BCL2L14: variants seen among roughly 807,000 people sequenced by gnomAD.
The protein encoded by BCL2L14 is apoptosis facilitator Bcl-2-like protein 14.
In BCL2L14, 27 loss-of-function variants were observed where a neutral mutation model predicts 35.3. The ratio of observed to expected loss-of-function variants is 0.76; its 90% CI spans 0.56 to 1.05. The LOEUF (loss-of-function observed/expected upper bound fraction) is 1.05. BCL2L14 is among the 50% of genes least tolerant of loss of function. The pLI is 0.00. For synonymous variants in BCL2L14, 139 were observed against 145.9 expected (o/e 0.95, Z 0.34); for missense variants, 377 against 382.6 (o/e 0.99, Z 0.12).
At position 12,094,673 on chromosome 12, in the gene BCL2L14, GA is replaced by G; in HGVS notation, c.689del (p.Asp230ValfsTer4). 6.2e-7 allele frequency: 1 copy of G among 1,614,194 alleles called. No individual in the cohort carries two copies. ...ATTCTTTTGTACACAGCTGAAGAAAGATAAGGCTTTGATGGGCCACTTCCAG... is the reference window on the plus strand; with the variant it reads ...ATTCTTTTGTACACAGCTGAAGAAAGTAAGGCTTTGATGGGCCACTTCCAG... ...GDQLERKLKK[D>X]KALMGHFQDG... On this transcript the variant is annotated frameshift_variant, in exon 5 of 6. Transcript: ENST00000308721. LOFTEE classifies it high-confidence loss of function.
At chr12:12,088,586 G>A (rs1273371166) in intron 3 of BCL2L14, among the ~76,000 whole-genome samples, 3 of 152,192 alleles carry the variant, frequency 2.0e-5, no homozygotes, top group Non-Finnish European at 4.4e-5. Flanking sequence ...GCTACTCTTT[G>A]TTAGAAAAGA....
At chr12:12,056,875 G>C (rs1306427026) in intron 2 of BCL2L14, among the ~76,000 whole-genome samples, 2 of 152,148 alleles carry the variant, frequency 1.3e-5, no homozygotes, top group African/African-American at 4.8e-5. Context: ...AGAACCTAGA[G>C]ATCTCTAGCT....
chr12:12,073,669 T>C (rs1432140281), intron 1 of BCL2L14, among the ~76,000 whole-genome samples: 2 of 152,138 alleles, frequency 1.3e-5, no homozygotes, highest in Non-Finnish European at 2.9e-5. Context: ...TTAACATACA[T>C]GGAAATTTCT....
At chr12:12,073,577 C>T (rs73066081) in intron 1 of BCL2L14, among the ~76,000 whole-genome samples, 17,899 of 151,866 alleles carry the variant, frequency 0.12, 1,328 homozygotes, top group Non-Finnish European at 0.16. Context: ...CACATGCACA[C>T]GCACACACAA....
In BCL2L14 at chr12:12,095,572, G is replaced by C. The variant is rs180797123; in HGVS notation, c.945+642G>C. The C allele has an allele frequency of 8.5e-5, 84 of 985,294 alleles. No homozygotes were observed. The African/African-American group carries it at 1.4e-3, about 16-fold the overall frequency. 61.0% of individuals were successfully genotyped at this position (985,294 alleles called of 1,614,324 possible). ...CTGCCATGTTCAAACAGCTACATAA[G>C]GTCCACCGTGTCAAAATGTACTACC... is the stretch of plus-strand genomic sequence containing the variant. On this transcript the variant is annotated intron_variant, in intron 5 of 5. Transcript: ENST00000308721.
chr12:12,063,998 T>C lies in BCL2L14; in HGVS notation c.-272+12151T>C, dbSNP rs1948564641. On this transcript the variant is annotated intron_variant, in intron 2 of 3. Transcript: ENST00000461264. ...ACTCTCTTTTCAGACTCAGCCCGCC[T>C]GCACCCAGGTGAAATAAACACCCAT... is the stretch of plus-strand genomic sequence containing the variant. Among the ~76,000 whole-genome samples the C allele has an allele frequency of 3.3e-5, 5 of 152,156 alleles. No individual in the cohort carries two copies. The South Asian group carries it at 1.0e-3, about 32-fold the overall frequency.
In BCL2L14 at chr12:12,096,542, A is replaced by T. The variant is rs145739150; in HGVS notation, c.945+1612A>T. 4.1e-3 allele frequency among the ~76,000 whole-genome samples: 632 copies of T among 152,298 alleles called. 9 individuals are homozygous for T. The highest frequency in any genetic ancestry group is 0.014 in the African/African-American group (602 of 41,568). On this transcript the variant is annotated intron_variant, in intron 5 of 5. Coordinates refer to ENST00000308721, the MANE Select transcript of BCL2L14 (RefSeq NM_138723.2). ...TGAACTATTATAATTGAACAATAAA[A>T]TGTCAAATAACCCAATTTTCAAATG...
At chr12:12,092,286 A>G (rs562149022) in intron 4 of BCL2L14, among the ~76,000 whole-genome samples, 1 of 152,314 alleles carries the variant, frequency 6.6e-6, no homozygotes, top group Admixed American at 6.5e-5. Flanking sequence ...CCACTTTCAA[A>G]AACCTCACTT....
chr12:12,095,148 G>A, intron 5 of BCL2L14: 1 of 985,348 alleles, frequency 1.0e-6, no homozygotes, highest in Non-Finnish European at 1.2e-6. Context: ...AGGGTATGCA[G>A]GGTATGTGTG....
At chr12:12,060,167 C>T (rs934777619) in intron 2 of BCL2L14, among the ~76,000 whole-genome samples, 1 of 151,486 alleles carries the variant, frequency 6.6e-6, no homozygotes, top group East Asian at 2.0e-4. Context: ...CTCCTCACAC[C>T]CGGTCCGGCT....
At chr12:12,079,184 C>CA in intron 1 of BCL2L14, 115 bp from the exon 2 acceptor site, 1 of 901,426 alleles carries the variant, frequency 1.1e-6, no homozygotes, top group South Asian at 1.7e-5. Context: ...CCCTCCAGCA[C>CA]AAACACAATA....
At chr12:12,087,510 C>A in intron 3 of BCL2L14, 124 bp downstream of exon 3, 1 of 1,103,472 alleles carries the variant, frequency 9.1e-7, no homozygotes, top group Non-Finnish European at 1.3e-6. Flanking sequence ...GCTTGACAGC[C>A]ACAGGCTGTG....
intron 3 of BCL2L14, among the ~76,000 whole-genome samples, chr12:12,089,423 C>T (rs767062399): frequency 1.3e-5 from 2 of 151,140 alleles, no homozygotes; most frequent in Admixed American, 6.6e-5. Context: ...AGCCTGGGCA[C>T]GGTGGCTTAC....
rs190089061 is a variant in BCL2L14 at position 12,096,182 on chromosome 12, A to C, written c.945+1252A>C. ...CAAAAGATGATCAAATTCCCAATTG[A>C]CTATGTTTCAAGCATTCATTTTAAA... On this transcript the variant is annotated intron_variant, in intron 5 of 5. Coordinates refer to ENST00000308721, the MANE Select transcript of BCL2L14 (RefSeq NM_138723.2). 5 of 972,684 alleles carry C rather than the reference A, an allele frequency of 5.1e-6. No homozygotes were observed. The East Asian group carries it at 5.7e-4, about 111-fold the overall frequency. 60.3% of individuals were successfully genotyped at this position (972,684 alleles called of 1,614,324 possible).
chr12:12,098,858 ACGCCTGGGATAG>A, intron 5 of BCL2L14, 80 bp from the exon 6 acceptor site: 1 of 921,414 alleles, frequency 1.1e-6, no homozygotes, highest in Non-Finnish European at 1.8e-6. Context: ...GCCTCGGGTC[ACGCCTGGGATAG>A]AGCAGAGTTA....
chr12:12,081,446 ACT>A (rs1319807464), intron 2 of BCL2L14, among the ~76,000 whole-genome samples: 2 of 133,506 alleles, frequency 1.5e-5, no homozygotes, highest in African/African-American at 6.0e-5. Context: ...ACATAATGAG[ACT>A]CTGTCTCCAA....
In BCL2L14 at chr12:12,079,562, T is replaced by G. The variant is rs1325223595; in HGVS notation, c.257T>G (p.Leu86Arg). ...CAATCCAGTGAGAAGGCCATAAACC[T>G]TGGCAAGAAAAAGTCTTCTTGGAAA... is the stretch of plus-strand genomic sequence containing the variant. ...NSQSSEKAIN[L>R]GKKKSSWKAF... Residue 86 changes from leucine to arginine, a missense_variant, in exon 2 of 6, where the codon CTT (leucine) becomes CGT (arginine). Transcript: ENST00000308721. The G allele has an allele frequency of 6.2e-7, 1 of 1,614,024 alleles. No individual in the cohort carries two copies. Among genetic ancestry groups the G allele is most frequent in the African/African-American group, 1.3e-5 (1 of 74,900 alleles).
upstream of BCL2L14, among the ~76,000 whole-genome samples, chr12:12,066,595 C>T (rs1458429767): frequency 6.6e-6 from 1 of 152,028 alleles, no homozygotes; most frequent in East Asian, 1.9e-4. Flanking sequence ...CCAATAATTC[C>T]ACTCTCAGGC....
intron 1 of BCL2L14, among the ~76,000 whole-genome samples, chr12:12,076,728 G>A (rs978411572): frequency 6.6e-6 from 1 of 152,104 alleles, no homozygotes; most frequent in Admixed American, 6.6e-5. Context: ...TGGCCAAGGA[G>A]CAGTTCCTCA....
Sources: gnomAD v4.1 joint callset for allele counts (sites outside exome capture counted in the v4.1 genomes callset) on GRCh38, gnomAD v4.1.1 for gene constraint, MANE v1.5 for transcripts, NCBI Gene and HGNC (gene_info 2026-07-23, HGNC 2026-07-21) for gene names.